VAV2: variants seen among roughly 807,000 people sequenced by gnomAD.
The protein encoded by VAV2 is guanine nucleotide exchange factor VAV2.
Under a neutral mutation model 132.5 loss-of-function variants are expected in VAV2, and 67 were observed. The ratio of observed to expected loss-of-function variants is 0.51; its 90% CI spans 0.42 to 0.62. VAV2 has a LOEUF of 0.62. Ranked by LOEUF, VAV2 falls within the 20% of genes least tolerant of loss-of-function variation. VAV2 has a pLI of 0.00. For missense variants in VAV2, 938 were observed against 1,153.6 expected, an observed-to-expected ratio of 0.81 and a Z score of 2.71; for synonymous variants, 492 against 443.5, an observed-to-expected ratio of 1.11 and a Z score of -1.37.
Position 133,807,247 on chromosome 9 carries a change from G to A in VAV2, c.735+11C>T, listed in dbSNP as rs558587760. On this transcript the variant is annotated intron_variant, in intron 8 of 29. Transcript: ENST00000371850. The stretch of plus-strand genomic sequence containing the variant: ...GAGCCTGGCATGAGCGATGGGGGCC[G>A]GGACCCTTACCTCCAGGTTAATGAA... The A allele has an allele frequency of 1.5e-5, 24 of 1,608,512 alleles. No individual in the cohort carries two copies. Among genetic ancestry groups the A allele is most frequent in the South Asian group, 1.1e-4 (10 of 89,682 alleles).
chr9:133,967,932 CCAAAAAA>C (rs1842199733), intron 1 of VAV2, among the ~76,000 whole-genome samples: 1 of 23,266 alleles, frequency 4.3e-5, no homozygotes, highest in Admixed American at 7.0e-4. Flanking sequence ...GACTCTATAA[CCAAAAAA>C]AAAAAAAAAA....
chr9:133,882,885 C>A (rs1838555009), intron 2 of VAV2, among the ~76,000 whole-genome samples: 1 of 152,176 alleles, frequency 6.6e-6, no homozygotes, highest in African/African-American at 2.4e-5. Flanking sequence ...GGGGCGACAG[C>A]TGAGAGGCCC....
intron 22 of VAV2, among the ~76,000 whole-genome samples, chr9:133,778,178 G>A (rs1464637449): frequency 1.2e-5 from 1 of 81,352 alleles, no homozygotes; most frequent in Non-Finnish European, 2.2e-5. Context: ...GGGGATGAAC[G>A]CCCACAAAGG....
At chr9:133,975,004 C>T (rs976955309) in intron 1 of VAV2, among the ~76,000 whole-genome samples, 4 of 152,366 alleles carry the variant, frequency 2.6e-5, no homozygotes, top group East Asian at 3.9e-4. Flanking sequence ...CAGAACCCAG[C>T]GTGCGTCATG....
rs1835904151 is a variant in VAV2 at position 133,824,342 on chromosome 9, TC to T, written c.449+9929del. ...CCCACCGAGCCAGGTCCACCAGCCC[TC>T]AGTTCCCGAGAACAGACACAGCAGA... On this transcript the variant is annotated intron_variant, in intron 4 of 29. Coordinates refer to ENST00000371850, the MANE Select transcript of VAV2 (RefSeq NM_001134398.2). The surrounding 1 kb of genome is among the most constrained non-coding windows in gnomAD (Gnocchi z 5.2). Among the ~76,000 whole-genome samples the T allele has an allele frequency of 6.7e-6, 1 of 150,246 alleles. No individual in the cohort carries two copies. The highest frequency in any genetic ancestry group is 2.5e-5 in the African/African-American group (1 of 40,714).
At chr9:133,988,191 G>A (rs1842914349) in intron 1 of VAV2, among the ~76,000 whole-genome samples, 1 of 152,130 alleles carries the variant, frequency 6.6e-6, no homozygotes, top group Non-Finnish European at 1.5e-5. Context: ...TGCGCTCGAG[G>A]GGCCCTGCAA....
rs568542423 is a variant in VAV2 at position 133,817,285 on chromosome 9, C to T, written c.450-5069G>A. On this transcript the variant is annotated intron_variant, in intron 4 of 29. Coordinates refer to ENST00000371850, the MANE Select transcript of VAV2 (RefSeq NM_001134398.2). ...AGACTGCAATAATACCCGTGTTAGA[C>T]GTCCTGACATCATCCCACACGTCTC... 4.6e-5 allele frequency among the ~76,000 whole-genome samples: 7 copies of T among 152,326 alleles called. No homozygotes were observed. The South Asian group carries it at 8.3e-4, about 18-fold the overall frequency.
chr9:133,764,425 G>T (rs1406534295), intron 29 of VAV2, among the ~76,000 whole-genome samples: 1 of 144,080 alleles, frequency 6.9e-6, no homozygotes, highest in African/African-American at 2.4e-5. Flanking sequence ...TTGGCATTCA[G>T]TCAGGACCAA....
chr9:133,963,372 G>A lies in VAV2; in HGVS notation c.205-24153C>T, dbSNP rs115318876. 6.0e-3 allele frequency among the ~76,000 whole-genome samples: 917 copies of A among 152,312 alleles called. 6 individuals are homozygous for A. The highest frequency in any genetic ancestry group is 0.021 in the African/African-American group (871 of 41,554). On this transcript the variant is annotated intron_variant, in intron 1 of 29. Coordinates refer to ENST00000371850, the MANE Select transcript of VAV2 (RefSeq NM_001134398.2). Reference sequence around the variant, plus strand: ...GGGCACGGAGGCCATCAAGCAGGGAGGGCTGGGGGCACCCAGGGTGGGCAG... The same window carrying A: ...GGGCACGGAGGCCATCAAGCAGGGAAGGCTGGGGGCACCCAGGGTGGGCAG...
At position 133,885,492 on chromosome 9, in the gene VAV2, G is replaced by A. The variant is rs1325026443; in HGVS notation, c.322-24060C>T. On this transcript the variant is annotated intron_variant, in intron 2 of 29. Transcript: ENST00000371850. The surrounding 1 kb of genome is among the most constrained non-coding windows in gnomAD (Gnocchi z 5.0). ...GTACTTCCTGAGGGCCTGCCACTGTGGACTCTGCAAGTGTCGTATTTACTA... is the reference window on the plus strand; with the variant it reads ...GTACTTCCTGAGGGCCTGCCACTGTAGACTCTGCAAGTGTCGTATTTACTA... Among the ~76,000 whole-genome samples the A allele has an allele frequency of 6.6e-6, 1 of 152,210 alleles. No homozygotes were observed. The highest frequency in any genetic ancestry group is 1.5e-5 in the Non-Finnish European group (1 of 68,028).
intron 29 of VAV2, among the ~76,000 whole-genome samples, chr9:133,767,108 A>G (rs1454598266): frequency 6.6e-6 from 1 of 152,182 alleles, no homozygotes; most frequent in Non-Finnish European, 1.5e-5. Flanking sequence ...TAGAAAATAA[A>G]GTTAGATAAT....
chr9:133,927,241 TC>T (rs1363498853), intron 2 of VAV2, among the ~76,000 whole-genome samples: 2 of 152,162 alleles, frequency 1.3e-5, no homozygotes, highest in Non-Finnish European at 2.9e-5. Flanking sequence ...ACCCATGCTC[TC>T]ATACCACACC....
At chr9:133,983,324 G>A (rs757563920) in intron 1 of VAV2, among the ~76,000 whole-genome samples, 1 of 152,180 alleles carries the variant, frequency 6.6e-6, no homozygotes, top group Non-Finnish European at 1.5e-5. Context: ...CCAGAGCCCA[G>A]CGTCCTTCCA....
At chr9:133,766,791 A>C (rs1833454051) in intron 29 of VAV2, among the ~76,000 whole-genome samples, 2 of 80,514 alleles carry the variant, frequency 2.5e-5, no homozygotes, top group African/African-American at 9.9e-5. Context: ...TATATATCCC[A>C]AAAACAAAAA....
In VAV2 at chr9:133,833,598, A is replaced by AG. The variant is rs1313355462; in HGVS notation, c.449+673dup. On this transcript the variant is annotated intron_variant, in intron 4 of 29. Transcript: ENST00000371850. The surrounding 1 kb of genome is among the most constrained non-coding windows in gnomAD (Gnocchi z 5.6). ...AGCCCAGGTCCCTCACCTGCAGGTG[A>AG]GGCCCCTTCCTCCTACCCTCCTACC... 1.3e-5 allele frequency among the ~76,000 whole-genome samples: 2 copies of AG among 152,042 alleles called. No homozygotes were observed. Among genetic ancestry groups the AG allele is most frequent in the Admixed American group, 1.3e-4 (2 of 15,282 alleles).
chr9:133,833,487 G>A lies in VAV2; in HGVS notation c.449+785C>T, dbSNP rs1241753083. On this transcript the variant is annotated intron_variant, in intron 4 of 29. Transcript: ENST00000371850. The surrounding 1 kb of genome is among the most constrained non-coding windows in gnomAD (Gnocchi z 5.6). The stretch of plus-strand genomic sequence containing the variant: ...AGCTCCAGAGGCCCCCAGGCAGCAA[G>A]GATGCCCGAAGGCACCATCTCCCGG... Among the ~76,000 whole-genome samples the A allele has an allele frequency of 3.3e-5, 5 of 152,324 alleles. No homozygotes were observed. The highest frequency in any genetic ancestry group is 3.3e-4 in the Admixed American group (5 of 15,310).
At chr9:133,844,505 G>C (rs1056822525) in intron 3 of VAV2, among the ~76,000 whole-genome samples, 1 of 152,236 alleles carries the variant, frequency 6.6e-6, no homozygotes, top group Non-Finnish European at 1.5e-5. Flanking sequence ...GCCAGCAGGG[G>C]CTTTCCAGGG....
At chr9:133,786,648 C>T (rs1588172412) in intron 16 of VAV2, among the ~76,000 whole-genome samples, 1 of 152,250 alleles carries the variant, frequency 6.6e-6, no homozygotes, top group East Asian at 1.9e-4. Flanking sequence ...AGCCATGGGC[C>T]TGGGGCACCC....
chr9:133,799,557 C>T (rs1386423725), intron 9 of VAV2, among the ~76,000 whole-genome samples: 1 of 152,158 alleles, frequency 6.6e-6, no homozygotes, highest in East Asian at 1.9e-4. Flanking sequence ...ATCCCGTGTC[C>T]ACAGACCTGG....
Sources: allele counts gnomAD v4.1 joint callset (sites outside exome capture counted in the v4.1 genomes callset), GRCh38; gene constraint gnomAD v4.1.1; non-coding constraint Gnocchi (gnomAD v3.1); transcripts MANE v1.5; gene names NCBI Gene and HGNC (gene_info 2026-07-23, HGNC 2026-07-21).